The following DCAF16 variants were observed in gnomAD, a reference collection of about 807,000 sequenced individuals.
DCAF16 encodes DDB1- and CUL4-associated factor 16.
In DCAF16, 10 loss-of-function variants were observed where a neutral mutation model predicts 17.3. That is an observed-to-expected ratio of 0.58 (90% CI 0.36 to 0.98). The LOEUF (loss-of-function observed/expected upper bound fraction) is 0.98. Ranked by LOEUF, DCAF16 falls within the 50% of genes least tolerant of loss-of-function variation. The pLI, the probability that DCAF16 is intolerant of heterozygous loss-of-function variation, is 0.01. For missense variants in DCAF16, 249 were observed against 247.6 expected (o/e 1.01, Z -0.04); for synonymous variants, 111 against 92.8 (o/e 1.20, Z -1.12).
In DCAF16 at chr4:17,804,293, G is replaced by GTA; in HGVS notation, c.-153_-152insTA. 1.5e-6 allele frequency: 1 copy of GTA among 662,748 alleles called. No individual in the cohort carries two copies. The highest frequency in any genetic ancestry group is 2.6e-6 in the Non-Finnish European group (1 of 379,414). The allele number at this position is 662,748 out of a possible 1,614,324, so 41.1% of individuals were successfully genotyped here. A position where few individuals can be genotyped will look rare whatever the true frequency, so the allele number is the denominator to read the frequency against. ...CGTTACACACATAAAGTATGCTTGT[G>GTA]GCCCATACCACTGTGCCGTTCTTCA... is the stretch of plus-strand genomic sequence containing the variant. On this transcript the variant is annotated 5_prime_UTR_variant, in exon 3 of 3. The change abolishes the stop of an existing upstream ORF in the 5' untranslated region. Transcript: ENST00000382247.
the DCAF16 span, among the ~76,000 whole-genome samples, chr4:17,795,435 T>C: frequency 6.6e-6 from 1 of 151,342 alleles, no homozygotes; most frequent in South Asian, 2.1e-4. Context: ...CCGGGAAATG[T>C]TATTTTAATT....
At chr4:17,798,581 G>A (rs552713202), downstream of DCAF16, among the ~76,000 whole-genome samples, 8 of 151,748 alleles carry the variant, frequency 5.3e-5, no homozygotes, top group Admixed American at 1.3e-4. Flanking sequence ...AGGCAAGAGC[G>A]AAACCCTGTG....
At position 17,804,431 on chromosome 4, in the gene DCAF16, C is replaced by A. The variant is rs994215881; in HGVS notation, c.-290G>T. On this transcript the variant is annotated 5_prime_UTR_variant, in exon 3 of 3. It removes the in-frame stop codon of an upstream open reading frame in the 5' UTR. Transcript: ENST00000382247. ...CTGGCACAGGTCAGAGTATCTCCTT[C>A]AAATCCTGGCTACCCAAGAATAGAA... 1.0e-5 allele frequency: 4 copies of A among 384,620 alleles called. No homozygotes were observed. The East Asian group carries it at 2.2e-4, about 21-fold the overall frequency. The allele number at this position is 384,620 out of a possible 1,614,324, so 23.8% of individuals were successfully genotyped here.
downstream of DCAF16, among the ~76,000 whole-genome samples, chr4:17,800,501 C>A (rs1719665244): frequency 6.6e-6 from 1 of 152,186 alleles, no homozygotes. Context: ...AAGTGTGTTT[C>A]TTCTCTAGAG....
the DCAF16 span, among the ~76,000 whole-genome samples, chr4:17,794,168 T>A: frequency 6.6e-6 from 1 of 152,174 alleles, no homozygotes; most frequent in South Asian, 2.1e-4. Context: ...TAGATACAGG[T>A]TGAGTATCCC....
chr4:17,803,459 ACAT>A lies in DCAF16; in HGVS notation c.*29_*31del. On this transcript the variant is annotated 3_prime_UTR_variant, in exon 3 of 3. Transcript: ENST00000382247. ...CTTTGTACCACTTTCTCAATTAGCA[ACAT>A]CAGAGATATCAGAGCAAATGGTAGA... is the stretch of plus-strand genomic sequence containing the variant. The A allele has an allele frequency of 1.3e-6, 2 of 1,587,282 alleles. No homozygotes were observed. The highest frequency in any genetic ancestry group is 1.7e-6 in the Non-Finnish European group (2 of 1,160,974).
At chr4:17,808,741 A>G (rs543570135) in intron 1 of DCAF16, among the ~76,000 whole-genome samples, 1 of 152,346 alleles carries the variant, frequency 6.6e-6, no homozygotes, top group South Asian at 2.1e-4. Flanking sequence ...ATAGTAAAGA[A>G]ATACTAGCCG....
In DCAF16 at chr4:17,801,775, T is replaced by A. The variant is rs996049995; in HGVS notation, c.*1716A>T. 1 of 152,170 alleles carries A rather than the reference T, an allele frequency of 6.6e-6. No homozygotes were observed. Among genetic ancestry groups the A allele is most frequent in the Non-Finnish European group, 1.5e-5 (1 of 68,040 alleles). The allele number at this position is 152,170 out of a possible 1,614,324, so 9.4% of individuals were successfully genotyped here. ...AATCTACTTAGAAAAACAATGCTGC[T>A]AAAACTCTTAACTTCAGATTGTATT... is the stretch of plus-strand genomic sequence containing the variant. On this transcript the variant is annotated 3_prime_UTR_variant, in exon 3 of 3. Transcript: ENST00000382247.
chr4:17,796,066 CT>C (rs1196171719), downstream of DCAF16, among the ~76,000 whole-genome samples: 1 of 152,216 alleles, frequency 6.6e-6, no homozygotes, highest in East Asian at 1.9e-4. Flanking sequence ...CATCCTCCCC[CT>C]GTCCTCAGTT....
rs1204395295 is a variant in DCAF16 at position 17,802,640 on chromosome 4, C to T, written c.*851G>A. 1.8e-5 allele frequency: 2 copies of T among 110,086 alleles called. No homozygotes were observed. The highest frequency in any genetic ancestry group is 6.5e-5 in the African/African-American group (2 of 30,568). The allele number at this position is 110,086 out of a possible 1,614,324, so 6.8% of individuals were successfully genotyped here. The stretch of plus-strand genomic sequence containing the variant: ...GTTACCCAGTTTAATTCAACTACCT[C>T]AAAAAAAAAAAAAAAGAAAAAATAA... On this transcript the variant is annotated 3_prime_UTR_variant, in exon 3 of 3. Coordinates refer to ENST00000382247, the MANE Select transcript of DCAF16 (RefSeq NM_017741.4).
rs774993985 is a variant in DCAF16 at position 17,803,905 on chromosome 4, T to C, written c.237A>G (p.Lys79=). ...LNPNSWLYHA[K]LLDPSTPVHI... ...GGACTGGTGTGCTTGGATCCAACAG[T>C]TTAGCATGATACAACCAGGAATTAG... Residue 79 remains lysine (K), a synonymous_variant, in exon 3 of 3, where the codon AAA becomes AAG. Transcript: ENST00000382247. 2.2e-5 allele frequency: 35 copies of C among 1,613,962 alleles called. No homozygotes were observed. Among genetic ancestry groups the C allele is most frequent in the African/African-American group, 4.0e-5 (3 of 74,890 alleles).
intron 1 of DCAF16, among the ~76,000 whole-genome samples, chr4:17,810,194 T>C (rs1720763457): frequency 6.6e-6 from 1 of 152,234 alleles, no homozygotes; most frequent in Admixed American, 6.5e-5. Context: ...ACCTAGTTCC[T>C]ACTCTTCTTT....
rs1719963792 is a variant in DCAF16, at chr4:17,803,247, A to G, written c.*244T>C. 1 of 474,072 alleles carries G rather than the reference A, an allele frequency of 2.1e-6. No individual in the cohort carries two copies. Among genetic ancestry groups the G allele is most frequent in the African/African-American group, 2.0e-5 (1 of 51,204 alleles). 29.4% of individuals were successfully genotyped at this position (474,072 alleles called of 1,614,324 possible). On this transcript the variant is annotated 3_prime_UTR_variant, in exon 3 of 3. Transcript: ENST00000382247. ...ACTGTGTTGGCAAGGCTGGTCTCAA[A>G]CTTCTGACTTCAGCAGATCCACCCG... is the stretch of plus-strand genomic sequence containing the variant.
chr4:17,800,099 G>C (rs1016784199), downstream of DCAF16, among the ~76,000 whole-genome samples: 1 of 148,206 alleles, frequency 6.7e-6, no homozygotes, highest in African/African-American at 2.5e-5. Context: ...AGCCGAGATT[G>C]CGCCATTGCA....
downstream of DCAF16, among the ~76,000 whole-genome samples, chr4:17,798,156 A>G (rs932255582): frequency 6.6e-6 from 1 of 152,144 alleles, no homozygotes; most frequent in African/African-American, 2.4e-5. Flanking sequence ...AGGAATTTTC[A>G]TATCACGTGT....
chr4:17,794,787 T>A, the DCAF16 span, among the ~76,000 whole-genome samples: 1 of 152,204 alleles, frequency 6.6e-6, no homozygotes, highest in Non-Finnish European at 1.5e-5. Flanking sequence ...TGTCAAATTT[T>A]TAAAAAACTG....
chr4:17,803,849 G>C lies in DCAF16; in HGVS notation c.293C>G (p.Ser98Cys), dbSNP rs1560210898. The C allele has an allele frequency of 1.9e-6, 3 of 1,614,090 alleles. No homozygotes were observed. The African/African-American group carries it at 4.0e-5, about 22-fold the overall frequency. Residue 98 changes from serine (S) to cysteine (C), a missense_variant, in exon 3 of 3, where the codon TCC becomes TGC. By Grantham distance (112) the Ser-to-Cys change is moderately radical. Coordinates refer to ENST00000382247, the MANE Select transcript of DCAF16 (RefSeq NM_017741.4). Reference sequence around the variant, plus strand: ...TTTGGGGACACAATGGGAACAATGGGAGAGTCTTAGACCTATCTCTCGAAG... The same window carrying C: ...TTTGGGGACACAATGGGAACAATGGCAGAGTCTTAGACCTATCTCTCGAAG... Reference protein sequence around the residue: ...HILREIGLRLSHCSHCVPKLE... With the variant: ...HILREIGLRLCHCSHCVPKLE...
chr4:17,810,145 A>G (rs1172876876), intron 1 of DCAF16, among the ~76,000 whole-genome samples: 3 of 152,174 alleles, frequency 2.0e-5, no homozygotes, highest in African/African-American at 2.4e-5. Context: ...GAGATCCAAC[A>G]GAAGTTCTGT....
At chr4:17,805,436 C>T (rs1577319095) in intron 1 of DCAF16, among the ~76,000 whole-genome samples, 2 of 151,260 alleles carry the variant, frequency 1.3e-5, no homozygotes, top group South Asian at 2.1e-4. Context: ...GTAAGAATAG[C>T]TCAAATTAAA....
Sources: gnomAD v4.1 joint callset for allele counts (sites outside exome capture counted in the v4.1 genomes callset) on GRCh38, gnomAD v4.1.1 for gene constraint, MANE v1.5 for transcripts, NCBI Gene and HGNC (gene_info 2026-07-23, HGNC 2026-07-21) for gene names.